Variants in DMD observed in about 807,000 individuals in gnomAD.
DMD encodes the protein dystrophin.
Under a neutral mutation model 330.1 loss-of-function variants are expected in DMD, and 63 were observed. The ratio of observed to expected loss-of-function variants is 0.19; its 90% CI spans 0.16 to 0.24. The LOEUF is 0.24. DMD is among the 10% of genes least tolerant of loss of function. DMD has a pLI of 1.00. For synonymous variants in DMD, 1,223 were observed against 959.8 expected (o/e 1.27, Z -5.07); for missense variants, 3,344 against 2,684.1 (o/e 1.25, Z -5.43).
chrX:32,549,709 C>T (rs370077385), intron 16 of DMD, among the ~76,000 whole-genome samples: 177 of 111,171 alleles, frequency 1.6e-3, no homozygotes, highest in Non-Finnish European at 2.5e-3. Context: ...AGAGCATTTG[C>T]CAGCATCCTG....
At chrX:32,678,499 C>CGT (rs760244852) in intron 9 of DMD, among the ~76,000 whole-genome samples, 3,268 of 106,019 alleles carry the variant, frequency 0.031, 121 homozygotes, top group African/African-American at 0.098. Flanking sequence ...TTTGCGTGTC[C>CGT]GTGTGTGTGT....
chrX:32,404,461 A>T (rs768344846), intron 30 of DMD, among the ~76,000 whole-genome samples: 52 of 111,467 alleles, frequency 4.7e-4, no homozygotes, highest in African/African-American at 1.7e-3. Context: ...GAGGTTACAA[A>T]AAAATGAGAT....
At chrX:31,689,631 T>C (rs2082964354) in intron 52 of DMD, among the ~76,000 whole-genome samples, 1 of 111,247 alleles carries the variant, frequency 9.0e-6, no homozygotes, top group Non-Finnish European at 1.9e-5. Context: ...TTAAAGTTCA[T>C]ATGGAACCAA....
chrX:33,297,636 GAA>G lies in DMD; in HGVS notation c.7+41621_7+41622del, dbSNP rs1169876030. Among the ~76,000 whole-genome samples the G allele has an allele frequency of 1.1e-4, 12 of 111,355 alleles. No individual in the cohort carries two copies. The Admixed American group carries it at 1.2e-3, about 11-fold the overall frequency. On this transcript the variant is annotated intron_variant, in intron 1 of 17. Coordinates refer to the DMD transcript ENST00000288447. ...AAAGAAATTATGGTATGTATACAAT[GAA>G]ATATTATTCAGCCATAAAAAGAAGG...
chrX:32,124,818 G>A (rs1266250905), intron 44 of DMD, among the ~76,000 whole-genome samples: 1 of 110,790 alleles, frequency 9.0e-6, no homozygotes, highest in African/African-American at 3.3e-5. Context: ...AAACCTTCCT[G>A]AGCAAGTGAC....
intron 56 of DMD, among the ~76,000 whole-genome samples, chrX:31,504,623 C>A (rs925816175): frequency 1.8e-5 from 2 of 111,692 alleles, no homozygotes; most frequent in African/African-American, 3.2e-5. Flanking sequence ...ACTAATGGTT[C>A]TATATCTAAC....
intron 55 of DMD, among the ~76,000 whole-genome samples, chrX:31,576,198 C>T (rs767146276): frequency 9.0e-6 from 1 of 111,495 alleles, no homozygotes; most frequent in East Asian, 2.8e-4. Flanking sequence ...ATACAGACCT[C>T]ATTTATATTT....
intron 44 of DMD, among the ~76,000 whole-genome samples, chrX:32,196,298 T>C (rs765584833): frequency 1.8e-5 from 2 of 111,679 alleles, no homozygotes; most frequent in African/African-American, 6.5e-5. Context: ...GCTCCAGATA[T>C]AAAAAAAATT....
intron 70 of DMD, 197 bp downstream of exon 70, chrX:31,178,472 T>G: frequency 1.0e-6 from 1 of 968,968 alleles, no homozygotes; most frequent in Non-Finnish European, 1.3e-6. Flanking sequence ...AAGTTTAACT[T>G]TTGGAAAAAG....
intron 60 of DMD, among the ~76,000 whole-genome samples, chrX:31,412,078 C>T (rs769359739): frequency 9.6e-6 from 1 of 104,485 alleles, no homozygotes; most frequent in Non-Finnish European, 1.9e-5. Flanking sequence ...CCCAGCTACT[C>T]GGGAGGCTGA....
intron 12 of DMD, among the ~76,000 whole-genome samples, chrX:32,613,902 C>T (rs890489331): frequency 1.8e-5 from 2 of 110,771 alleles, no homozygotes; most frequent in African/African-American, 6.6e-5. Flanking sequence ...TCACAGTTCT[C>T]GAGTTTGGGA....
At chrX:32,548,151 C>A (rs1007946652) in intron 16 of DMD, among the ~76,000 whole-genome samples, 2 of 111,021 alleles carry the variant, frequency 1.8e-5, no homozygotes, top group Admixed American at 9.6e-5. Flanking sequence ...CTATAAAATT[C>A]TAATGTTTAT....
At chrX:32,396,983 C>T (rs1292502853) in intron 30 of DMD, among the ~76,000 whole-genome samples, 1 of 111,317 alleles carries the variant, frequency 9.0e-6, no homozygotes, top group Non-Finnish European at 1.9e-5. Flanking sequence ...GTACAAATAA[C>T]AGAATATTAT....
chrX:31,600,867 C>T (rs1278098454), intron 55 of DMD, among the ~76,000 whole-genome samples: 1 of 107,107 alleles, frequency 9.3e-6, no homozygotes, highest in Non-Finnish European at 1.9e-5. Flanking sequence ...GGCTTCAGGT[C>T]TAGGAGAGGT....
At chrX:33,192,839 T>C (rs2050729360) in intron 1 of DMD, among the ~76,000 whole-genome samples, 1 of 112,090 alleles carries the variant, frequency 8.9e-6, no homozygotes, top group African/African-American at 3.2e-5. Flanking sequence ...CTATTTTAGT[T>C]GGACAATACT....
At chrX:33,239,274 CAAAAAAAAAAAAAAAA>C (rs558228818) in intron 1 of DMD, among the ~76,000 whole-genome samples, 2 of 31,375 alleles carry the variant, frequency 6.4e-5, no homozygotes, top group African/African-American at 3.1e-4. Context: ...ACTCTGTCTC[CAAAAAAAAAAAAAAAA>C]AAAAAAAAAA....
rs1247990606 is a variant in DMD at position 33,009,674 on chromosome X, GTA to G, written c.93+10463_93+10464del. 8.5e-5 allele frequency among the ~76,000 whole-genome samples: 4 copies of G among 47,101 alleles called. 1 individual carries two copies. The highest frequency in any genetic ancestry group is 2.0e-4 in the Non-Finnish European group (4 of 20,296). 40.9% of individuals were successfully genotyped at this position (47,101 alleles called of 115,157 possible). On this transcript the variant is annotated intron_variant, in intron 2 of 78. Transcript: ENST00000357033. Reference sequence around the variant, plus strand: ...TGTGTATACGTGTATATGTGTATACGTATATGTGTATATGCACATATGTGTGT... The same window carrying G: ...TGTGTATACGTGTATATGTGTATACGTATGTGTATATGCACATATGTGTGT...
At chrX:33,263,438 A>T (rs777519521) in intron 1 of DMD, among the ~76,000 whole-genome samples, 13 of 103,940 alleles carry the variant, frequency 1.3e-4, no homozygotes, top group South Asian at 8.2e-4. Context: ...CTTTTTAAAA[A>T]ATATATATAT....
At chrX:31,396,918 AATTGAT>A (rs2060973333) in intron 60 of DMD, among the ~76,000 whole-genome samples, 1 of 111,473 alleles carries the variant, frequency 9.0e-6, no homozygotes, top group Non-Finnish European at 1.9e-5. Context: ...CAGTACAGCC[AATTGAT>A]ATAGTCCCCG....
Sources: allele counts gnomAD v4.1 joint callset (sites outside exome capture counted in the v4.1 genomes callset), GRCh38; gene constraint gnomAD v4.1.1; transcripts MANE v1.5; gene names NCBI Gene and HGNC (gene_info 2026-07-23, HGNC 2026-07-21).